The following GRM3 variants were observed in gnomAD, a reference collection of about 807,000 sequenced individuals.
GRM3 encodes metabotropic glutamate receptor 3.
In GRM3, 26 loss-of-function variants were observed where a neutral mutation model predicts 70.5. That is an observed-to-expected ratio of 0.37 (90% CI 0.27 to 0.51). The LOEUF (loss-of-function observed/expected upper bound fraction) is 0.51. Among genes scored for constraint, GRM3 ranks in the 20% least tolerant of loss-of-function variants. The pLI is 0.93. For synonymous variants in GRM3, 443 were observed against 434.9 expected (o/e 1.02, Z -0.23); for missense variants, 859 against 1,123.8 (o/e 0.76, Z 3.37).
At chr7:86,790,631 A>G (rs1797386669) in intron 3 of GRM3, among the ~76,000 whole-genome samples, 1 of 151,830 alleles carries the variant, frequency 6.6e-6, no homozygotes, top group Non-Finnish European at 1.5e-5. Context: ...GCCCCTACCT[A>G]TCCTGACTGC....
chr7:86,650,598 G>C (rs929117662), intron 1 of GRM3, among the ~76,000 whole-genome samples: 1 of 152,104 alleles, frequency 6.6e-6, no homozygotes. Flanking sequence ...AATTGACTAG[G>C]ACTAAGGATG....
At chr7:86,727,138 A>T (rs1231974808) in intron 1 of GRM3, among the ~76,000 whole-genome samples, 1 of 152,206 alleles carries the variant, frequency 6.6e-6, no homozygotes, top group Non-Finnish European at 1.5e-5. Context: ...ACAAGACAGA[A>T]GATGATATAG....
chr7:86,646,001 G>A lies in GRM3; in HGVS notation c.-141+1129G>A, dbSNP rs1305190917. On this transcript the variant is annotated intron_variant, in intron 1 of 5. Transcript: ENST00000361669. ...GTGGTGGGCGGGGGGGTGGGGGTGG[G>A]GGGGTGGGGGGGGGTGGGAGGGAGT... Among the ~76,000 whole-genome samples the A allele has an allele frequency of 3.2e-3, 125 of 38,758 alleles. 9 individuals carry two copies. In the Middle Eastern group the frequency reaches 0.062, roughly 19 times the overall value. 25.4% of individuals were successfully genotyped at this position (38,758 alleles called of 152,430 possible).
chr7:86,655,630 A>G (rs761475339), intron 1 of GRM3, among the ~76,000 whole-genome samples: 20 of 152,032 alleles, frequency 1.3e-4, no homozygotes, highest in Admixed American at 2.6e-4. Flanking sequence ...GCCTCTTTCA[A>G]GTAAGAAGCT....
chr7:86,714,212 A>T (rs1435593028), intron 1 of GRM3, among the ~76,000 whole-genome samples: 1 of 152,032 alleles, frequency 6.6e-6, no homozygotes, highest in Non-Finnish European at 1.5e-5. Flanking sequence ...TAAAATACTT[A>T]CAAATTTAAT....
intron 1 of GRM3, among the ~76,000 whole-genome samples, chr7:86,667,575 C>T (rs1391684459): frequency 6.6e-6 from 1 of 152,088 alleles, no homozygotes; most frequent in Non-Finnish European, 1.5e-5. Flanking sequence ...GGGGTTCACA[C>T]TGCATTATTT....
At chr7:86,744,379 C>A (rs959905914) in intron 1 of GRM3, among the ~76,000 whole-genome samples, 2 of 151,510 alleles carry the variant, frequency 1.3e-5, no homozygotes, top group African/African-American at 4.8e-5. Context: ...TACTATCTTT[C>A]CCAAATATTC....
chr7:86,830,856 G>A (rs1798336813), intron 3 of GRM3, among the ~76,000 whole-genome samples: 1 of 152,166 alleles, frequency 6.6e-6, no homozygotes, highest in Non-Finnish European at 1.5e-5. Flanking sequence ...GTGGGCCCCA[G>A]TCCAATATGG....
intron 1 of GRM3, among the ~76,000 whole-genome samples, chr7:86,704,294 C>G (rs1795010581): frequency 6.6e-6 from 1 of 151,808 alleles, no homozygotes; most frequent in Admixed American, 6.6e-5. Context: ...TAGATGCTTT[C>G]TGGGTTAACT....
chr7:86,858,856 A>G (rs1022111464), intron 5 of GRM3, among the ~76,000 whole-genome samples: 3 of 152,222 alleles, frequency 2.0e-5, no homozygotes, highest in Admixed American at 6.5e-5. Flanking sequence ...GCAGATTTTT[A>G]TCCCACAGTA....
At chr7:86,799,491 T>G (rs1319912194) in intron 3 of GRM3, among the ~76,000 whole-genome samples, 1 of 152,168 alleles carries the variant, frequency 6.6e-6, no homozygotes, top group Non-Finnish European at 1.5e-5. Context: ...GGGTTTGTTA[T>G]AAGTGTCTCC....
At chr7:86,645,485 C>G (rs1183550013) in intron 1 of GRM3, among the ~76,000 whole-genome samples, 1 of 152,152 alleles carries the variant, frequency 6.6e-6, no homozygotes, top group African/African-American at 2.4e-5. Context: ...ATCTTTTCAT[C>G]GACCCTGTTC....
chr7:86,715,751 G>C (rs1031439919), intron 1 of GRM3, among the ~76,000 whole-genome samples: 1 of 151,926 alleles, frequency 6.6e-6, no homozygotes, highest in African/African-American at 2.4e-5. Context: ...AATAACTCTT[G>C]AACCTAATTC....
intron 2 of GRM3, among the ~76,000 whole-genome samples, chr7:86,767,503 C>A (rs991101576): frequency 1.6e-5 from 2 of 124,488 alleles, no homozygotes; most frequent in East Asian, 4.8e-4. Context: ...GAAAGAGTAT[C>A]GGTCATACTT....
At chr7:86,776,077 C>T (rs745944126) in intron 2 of GRM3, 6 of 151,984 alleles carry the variant, frequency 3.9e-5, no homozygotes, top group East Asian at 1.9e-4. Flanking sequence ...CTTGTATAAT[C>T]GACATCAGTC....
chr7:86,670,082 G>A (rs2115896949), intron 1 of GRM3, among the ~76,000 whole-genome samples: 1 of 152,222 alleles, frequency 6.6e-6, no homozygotes. Flanking sequence ...CTATCACTGT[G>A]TCATCTTTTC....
chr7:86,795,156 GA>G (rs1797518020), intron 3 of GRM3, among the ~76,000 whole-genome samples: 1 of 151,784 alleles, frequency 6.6e-6, no homozygotes, highest in African/African-American at 2.4e-5. Context: ...AGCCACTTTG[GA>G]AAAGATGATT....
At chr7:86,652,174 C>A (rs1286169211) in intron 1 of GRM3, among the ~76,000 whole-genome samples, 1 of 152,164 alleles carries the variant, frequency 6.6e-6, no homozygotes, top group Non-Finnish European at 1.5e-5. Flanking sequence ...AGTTGTTGAA[C>A]AAATGAAGCC....
At chr7:86,727,436 A>G (rs1360781533) in intron 1 of GRM3, among the ~76,000 whole-genome samples, 2 of 152,192 alleles carry the variant, frequency 1.3e-5, no homozygotes, top group African/African-American at 4.8e-5. Context: ...GGAATTAGTG[A>G]CTAAGTCTCT....
Sources: gnomAD v4.1 joint callset for allele counts (sites outside exome capture counted in the v4.1 genomes callset) on GRCh38, gnomAD v4.1.1 for gene constraint, MANE v1.5 for transcripts, NCBI Gene and HGNC (gene_info 2026-07-23, HGNC 2026-07-21) for gene names.